WWOX: variants seen among roughly 807,000 people sequenced by gnomAD.
WWOX encodes WW domain-containing oxidoreductase.
Under a neutral mutation model 46.2 loss-of-function variants are expected in WWOX, and 69 were observed. That is an observed-to-expected ratio of 1.49 (90% CI 1.23 to 1.82). The LOEUF (loss-of-function observed/expected upper bound fraction) is 1.82, where lower values mean the gene tolerates loss of function less well. Ranked by LOEUF, WWOX falls within the 40% of genes most tolerant of loss-of-function variation. The pLI is 0.00. For missense variants in WWOX, 919 were observed against 542.6 expected, an observed-to-expected ratio of 1.69 and a Z score of -6.89; for synonymous variants, 359 against 202.6, an observed-to-expected ratio of 1.77 and a Z score of -6.56.
At chr16:78,313,055 T>G (rs144917864) in intron 5 of WWOX, among the ~76,000 whole-genome samples, 30 of 152,344 alleles carry the variant, frequency 2.0e-4, no homozygotes, top group African/African-American at 7.2e-4. Context: ...ATGTCCTGTT[T>G]TCAGATTACT....
intron 5 of WWOX, among the ~76,000 whole-genome samples, chr16:78,383,621 T>G (rs2082001489): frequency 6.6e-6 from 1 of 152,206 alleles, no homozygotes; most frequent in African/African-American, 2.4e-5. Context: ...ATAAAGTTAC[T>G]AAGTTTGTTA....
intron 8 of WWOX, among the ~76,000 whole-genome samples, chr16:78,783,875 A>G (rs939374086): frequency 1.3e-4 from 12 of 91,164 alleles, no homozygotes; most frequent in Admixed American, 1.3e-3. Flanking sequence ...GATGGTGATG[A>G]CGATGATAAT....
chr16:78,275,168 G>A (rs996342598), intron 5 of WWOX, among the ~76,000 whole-genome samples: 2 of 152,178 alleles, frequency 1.3e-5, no homozygotes, highest in Admixed American at 1.3e-4. Flanking sequence ...AAACGTGGAG[G>A]GGGGTGGTGA....
rs117960162 is a variant in WWOX, at chr16:78,130,511, A to T, written c.409+15357A>T. Among the ~76,000 whole-genome samples, 715 of 152,340 alleles carry T rather than the reference A, an allele frequency of 4.7e-3. 6 individuals carry two copies. Among genetic ancestry groups the T allele is most frequent in the Non-Finnish European group, 7.8e-3 (529 of 68,030 alleles). On this transcript the variant is annotated intron_variant, in intron 4 of 8. Coordinates refer to ENST00000566780, the MANE Select transcript of WWOX (RefSeq NM_016373.4). Reference sequence around the variant, plus strand: ...TATTTTGTTGCTGCAGCTTCAGCTGACTATGGCTTATGTCTATCAAGGAAC... The same window carrying T: ...TATTTTGTTGCTGCAGCTTCAGCTGTCTATGGCTTATGTCTATCAAGGAAC...
intron 8 of WWOX, among the ~76,000 whole-genome samples, chr16:78,538,893 C>A (rs1445941980): frequency 6.6e-6 from 1 of 152,178 alleles, no homozygotes; most frequent in South Asian, 2.1e-4. Context: ...CATTTGAAAA[C>A]TTACCTTGTT....
At chr16:79,211,049 G>C (rs911979339) in intron 8 of WWOX, among the ~76,000 whole-genome samples, 1 of 151,972 alleles carries the variant, frequency 6.6e-6, no homozygotes, top group East Asian at 1.9e-4. Flanking sequence ...GTGTGTGTGT[G>C]TGTGTGTGCA....
intron 8 of WWOX, among the ~76,000 whole-genome samples, chr16:78,546,776 G>T (rs1169850026): frequency 6.6e-6 from 1 of 152,098 alleles, no homozygotes; most frequent in Admixed American, 6.5e-5. Flanking sequence ...ATAAGTTACT[G>T]ACGTGTGTTA....
At chr16:78,863,413 C>T (rs1208949668) in intron 8 of WWOX, among the ~76,000 whole-genome samples, 2 of 152,202 alleles carry the variant, frequency 1.3e-5, no homozygotes, top group African/African-American at 4.8e-5. Context: ...TTAGAATCTT[C>T]TGAAATAATA....
intron 8 of WWOX, among the ~76,000 whole-genome samples, chr16:78,513,906 C>A (rs536088229): frequency 2.3e-4 from 34 of 149,216 alleles, no homozygotes; most frequent in South Asian, 8.9e-4. Flanking sequence ...CCCCCCCCCC[C>A]ACTTGTATCA....
intron 8 of WWOX, among the ~76,000 whole-genome samples, chr16:78,884,823 G>T (rs919035442): frequency 4.6e-5 from 7 of 152,150 alleles, no homozygotes; most frequent in Non-Finnish European, 8.8e-5. Context: ...CTAACAAAAA[G>T]TTCATGGACA....
chr16:78,382,603 G>C (rs74028140), intron 5 of WWOX, among the ~76,000 whole-genome samples: 2 of 152,150 alleles, frequency 1.3e-5, no homozygotes, highest in African/African-American at 4.8e-5. Context: ...CGTACTAAAG[G>C]GTTGGTTTTG....
rs550795566 is a variant in WWOX at position 78,800,489 on chromosome 16, C to T, written c.1056+367737C>T. ...AGTGGTATCCACACTTCTTCTTTCT[C>T]CTACGAATTTGGAGGTCTAGGAACG... On this transcript the variant is annotated intron_variant, in intron 8 of 8. Coordinates refer to ENST00000566780, the MANE Select transcript of WWOX (RefSeq NM_016373.4). Among the ~76,000 whole-genome samples, 8 of 152,270 alleles carry T rather than the reference C, an allele frequency of 5.3e-5. No individual in the cohort carries two copies. The East Asian group carries it at 1.5e-3, about 29-fold the overall frequency.
intron 1 of WWOX, among the ~76,000 whole-genome samples, chr16:78,101,663 G>C (rs2031800808): frequency 6.6e-6 from 1 of 152,026 alleles, no homozygotes; most frequent in Non-Finnish European, 1.5e-5. Flanking sequence ...CCTCTCCCTT[G>C]GTAGGTTGTA....
intron 5 of WWOX, among the ~76,000 whole-genome samples, chr16:78,301,958 G>GTT (rs747979480): frequency 6.3e-5 from 9 of 142,112 alleles, no homozygotes; most frequent in African/African-American, 7.7e-5. Flanking sequence ...AGATGAGGGT[G>GTT]TTTTTTTTTT....
chr16:78,859,326 C>G (rs980045801), intron 8 of WWOX, among the ~76,000 whole-genome samples: 1 of 152,006 alleles, frequency 6.6e-6, no homozygotes, highest in South Asian at 2.1e-4. Context: ...CCCCTTCTCC[C>G]TACTCCCTTC....
At chr16:78,315,807 A>G (rs2080345913) in intron 5 of WWOX, among the ~76,000 whole-genome samples, 1 of 151,896 alleles carries the variant, frequency 6.6e-6, no homozygotes, top group South Asian at 2.1e-4. Context: ...AGGTAGAAAT[A>G]TGATTCCATT....
intron 8 of WWOX, among the ~76,000 whole-genome samples, chr16:78,862,222 C>G (rs1449434517): frequency 1.4e-5 from 2 of 139,274 alleles, no homozygotes; most frequent in African/African-American, 2.5e-5. Context: ...ATGGGTGTGT[C>G]TGTCTGTATC....
At chr16:78,168,586 C>G (rs746298729) in intron 5 of WWOX, 1 of 152,056 alleles carries the variant, frequency 6.6e-6, no homozygotes, top group African/African-American at 2.4e-5. Context: ...CTGCTCCACC[C>G]CATGGCCCAT....
At chr16:78,453,225 A>G (rs557633438) in intron 8 of WWOX, among the ~76,000 whole-genome samples, 5 of 152,054 alleles carry the variant, frequency 3.3e-5, no homozygotes, top group Non-Finnish European at 5.9e-5. Context: ...GGAGTTTGAT[A>G]ATAGCCTGGC....
Sources: allele counts gnomAD v4.1 joint callset (sites outside exome capture counted in the v4.1 genomes callset), GRCh38; gene constraint gnomAD v4.1.1; transcripts MANE v1.5; gene names NCBI Gene and HGNC (gene_info 2026-07-23, HGNC 2026-07-21).